Variants in RBSN observed in about 807,000 individuals in gnomAD.
The protein encoded by RBSN is rabenosyn, RAB effector, also known as rabenosyn-5.
In RBSN, 34 loss-of-function variants were observed where a neutral mutation model predicts 60.5. The observed-to-expected ratio is 0.56, with a 90% CI of 0.43 to 0.75. The LOEUF is 0.75. Ranked by LOEUF, RBSN falls within the 30% of genes least tolerant of loss-of-function variation. RBSN has a pLI of 0.00. For synonymous variants in RBSN, 322 were observed against 366.9 expected (o/e 0.88, Z 1.40); for missense variants, 845 against 986.8 (o/e 0.86, Z 1.92).
At chr3:15,081,016 C>T (rs1301394427) in intron 9 of RBSN, 9 of 523,644 alleles carry the variant, frequency 1.7e-5, no homozygotes, top group South Asian at 1.0e-4. Context: ...TCAGATGTTT[C>T]GTTTTGTTTT....
At chr3:15,090,349 T>C (rs2043478751) in intron 5 of RBSN, 50 bp downstream of exon 5, 10 of 1,598,822 alleles carry the variant, frequency 6.3e-6, no homozygotes, top group Non-Finnish European at 7.7e-6. Context: ...ACCTAGAACA[T>C]AGCAGATGCT....
chr3:15,085,617 G>A (rs1015260435), intron 6 of RBSN, among the ~76,000 whole-genome samples: 9 of 152,170 alleles, frequency 5.9e-5, no homozygotes, highest in African/African-American at 2.2e-4. Context: ...ACCTGAGTGG[G>A]ATTCATAGGT....
chr3:15,084,473 A>G lies in RBSN; in HGVS notation c.598+262T>C, dbSNP rs886226701. Among the ~76,000 whole-genome samples the G allele has an allele frequency of 6.6e-6, 1 of 152,216 alleles. No individual in the cohort carries two copies. Among genetic ancestry groups the G allele is most frequent in the Non-Finnish European group, 1.5e-5 (1 of 68,032 alleles). On this transcript the variant is annotated intron_variant, in intron 8 of 13. Coordinates refer to ENST00000253699, the MANE Select transcript of RBSN (RefSeq NM_022340.4). This position sits in a 1 kb window ranked among gnomAD's most constrained non-coding sequence, Gnocchi z 4.2. ...AGAAAGAAGAAATGTCACAGCAACCATATGTGGCCCACAAAGCCTAAATGT... is the reference window on the plus strand; with the variant it reads ...AGAAAGAAGAAATGTCACAGCAACCGTATGTGGCCCACAAAGCCTAAATGT...
intron 2 of RBSN, among the ~76,000 whole-genome samples, chr3:15,097,756 C>A (rs2043700386): frequency 6.6e-6 from 1 of 152,064 alleles, no homozygotes; most frequent in South Asian, 2.1e-4. Context: ...AGATGTGTGA[C>A]CCTCAGCTTT....
intron 4 of RBSN, 24 bp downstream of exon 4, chr3:15,095,949 A>T (rs2043644916): frequency 6.2e-7 from 1 of 1,614,202 alleles, no homozygotes; most frequent in African/African-American, 1.3e-5. Context: ...ACAGCAGGGG[A>T]TAGGCAAGGT....
chr3:15,082,392 G>T lies in RBSN; in HGVS notation c.815C>A (p.Thr272Lys). 6.2e-7 allele frequency: 1 copy of T among 1,613,876 alleles called. No individual in the cohort carries two copies. Among genetic ancestry groups the T allele is most frequent in the Non-Finnish European group, 8.5e-7 (1 of 1,179,736 alleles). ...CTCGTAGAGCTTCACGATGTCAGGT[G>T]TGTGCTCCTTCTCATCAATCTGCTG... ...REQQIDEKEH[T>K]PDIVKLYEKL... Residue 272 changes from threonine (T) to lysine (K), a missense_variant, in exon 9 of 14, where the codon ACA (threonine) becomes AAA (lysine). Physicochemically the swap from Thr to Lys is moderately conservative, Grantham distance 78. Transcript: ENST00000253699. This position sits in a 1 kb window ranked among gnomAD's most constrained non-coding sequence, Gnocchi z 4.2.
intron 4 of RBSN, among the ~76,000 whole-genome samples, chr3:15,094,069 A>G (rs2043586424): frequency 6.6e-6 from 1 of 152,204 alleles, no homozygotes; most frequent in Non-Finnish European, 1.5e-5. Context: ...TTCCTTAAAT[A>G]GATTCCCATA....
In RBSN at chr3:15,082,640, C is replaced by A; in HGVS notation, c.599-32G>T. The A allele has an allele frequency of 6.2e-7, 1 of 1,607,582 alleles. No individual in the cohort carries two copies. Among genetic ancestry groups the A allele is most frequent in the Non-Finnish European group, 8.5e-7 (1 of 1,175,880 alleles). On this transcript the variant is annotated intron_variant, in intron 8 of 13. Coordinates refer to ENST00000253699, the MANE Select transcript of RBSN (RefSeq NM_022340.4). The surrounding 1 kb of genome is among the most constrained non-coding windows in gnomAD (Gnocchi z 4.2). ...CCACAACACCAACAGGCAGCAATGA[C>A]CCCCACAGCATCCAATTACCATACC...
At chr3:15,091,210 C>CAA (rs55655564) in intron 4 of RBSN, 73 of 115,874 alleles carry the variant, frequency 6.3e-4, no homozygotes, top group African/African-American at 1.5e-3. Flanking sequence ...GACCCTGTCT[C>CAA]AAAAAAAAAA....
chr3:15,079,899 C>G (rs1465310623), intron 10 of RBSN, among the ~76,000 whole-genome samples: 1 of 152,150 alleles, frequency 6.6e-6, no homozygotes, highest in African/African-American at 2.4e-5. Context: ...AAACTGTACA[C>G]TTTAAAAGGG....
intron 12 of RBSN, among the ~76,000 whole-genome samples, chr3:15,076,371 T>C (rs2043053765): frequency 6.6e-6 from 1 of 151,972 alleles, no homozygotes; most frequent in Admixed American, 6.6e-5. Flanking sequence ...GAGGCCAAGG[T>C]GGGCAGACTG....
Position 15,096,049 on chromosome 3 carries a change from C to T in RBSN, c.72G>A (p.Gln24=), listed in dbSNP as rs574114579. 1.5e-5 allele frequency: 24 copies of T among 1,614,062 alleles called. No individual in the cohort carries two copies. In the South Asian group the frequency reaches 2.6e-4, roughly 18 times the overall value. Residue 24 remains glutamine, a synonymous_variant, in exon 4 of 14, where the codon CAG becomes CAA. Transcript: ENST00000253699. ...AATGTGAGTGAAGCTGATAGAAAGACTGCAGATCCTTCAGGCACAGAGGGC... is the reference window on the plus strand; with the variant it reads ...AATGTGAGTGAAGCTGATAGAAAGATTGCAGATCCTTCAGGCACAGAGGGC... ...FLCPLCLKDL[Q]SFYQLHSHYE...
At chr3:15,078,869 A>C (rs1449652228) in intron 10 of RBSN, among the ~76,000 whole-genome samples, 2 of 141,984 alleles carry the variant, frequency 1.4e-5, no homozygotes, top group Non-Finnish European at 3.0e-5. Flanking sequence ...TTTTGTTTTT[A>C]AAAAAGGCAC....
chr3:15,095,896 C>A, intron 4 of RBSN, 77 bp downstream of exon 4: 3 of 1,599,466 alleles, frequency 1.9e-6, no homozygotes, highest in Non-Finnish European at 2.6e-6. Flanking sequence ...TGTGGCAACA[C>A]CAAAGCTGAT....
Position 15,099,116 on chromosome 3 carries a change from G to T in RBSN, c.-582C>A, listed in dbSNP as rs1157578499. On this transcript the variant is annotated 5_prime_UTR_variant, in exon 1 of 14. Transcript: ENST00000253699. ...GGCCTCCACCGTCCGTCACTCAGCC[G>T]CAGCCGCCATCTCCATCGGTCGCTC... 1 of 152,318 alleles carries T rather than the reference G, an allele frequency of 6.6e-6. No homozygotes were observed. The highest frequency in any genetic ancestry group is 1.5e-5 in the Non-Finnish European group (1 of 68,140). 9.4% of individuals were successfully genotyped at this position (152,318 alleles called of 1,614,324 possible).
intron 4 of RBSN, among the ~76,000 whole-genome samples, chr3:15,094,780 AGAGT>A (rs1167727124): frequency 6.6e-6 from 1 of 152,238 alleles, no homozygotes; most frequent in Non-Finnish European, 1.5e-5. Context: ...AAAGTGAGAT[AGAGT>A]GAGACTCTAG....
chr3:15,075,569 A>C, intron 13 of RBSN, 37 bp downstream of exon 13: 1 of 1,570,720 alleles, frequency 6.4e-7, no homozygotes, highest in South Asian at 1.1e-5. Flanking sequence ...TGAGAGCCAC[A>C]GGAGGAAGCA....
At chr3:15,097,113 G>GC (rs1171435952) in intron 2 of RBSN, among the ~76,000 whole-genome samples, 1 of 151,980 alleles carries the variant, frequency 6.6e-6, no homozygotes, top group Non-Finnish European at 1.5e-5. Context: ...TCCTGCCTGA[G>GC]CCCCCCCAAA....
At chr3:15,093,788 A>G (rs1190082757) in intron 4 of RBSN, among the ~76,000 whole-genome samples, 2 of 152,072 alleles carry the variant, frequency 1.3e-5, no homozygotes, top group African/African-American at 2.4e-5. Flanking sequence ...TGCAGCTTCA[A>G]CCTTCCGGGC....
Sources: gnomAD v4.1 joint callset for allele counts (sites outside exome capture counted in the v4.1 genomes callset) on GRCh38, gnomAD v4.1.1 for gene constraint, Gnocchi (gnomAD v3.1) non-coding constraint, MANE v1.5 for transcripts, NCBI Gene and HGNC (gene_info 2026-07-23, HGNC 2026-07-21) for gene names.